The following GRIA1 variants were observed in gnomAD, a reference collection of about 807,000 sequenced individuals.
GRIA1 encodes the protein glutamate receptor 1.
Under a neutral mutation model 99.2 loss-of-function variants are expected in GRIA1, and 31 were observed. The observed-to-expected ratio is 0.31, with a 90% CI of 0.23 to 0.42. The LOEUF (loss-of-function observed/expected upper bound fraction) is 0.42. GRIA1 is among the 10% of genes least tolerant of loss of function. The pLI is 1.00. For missense variants in GRIA1, 782 were observed against 1,157.5 expected (o/e 0.68, Z 4.71); for synonymous variants, 438 against 432.4 (o/e 1.01, Z -0.16).
At chr5:153,644,708 G>C (rs1754011683) in intron 2 of GRIA1, among the ~76,000 whole-genome samples, 1 of 151,982 alleles carries the variant, frequency 6.6e-6, no homozygotes, top group Non-Finnish European at 1.5e-5. Flanking sequence ...ATTTAGAAGA[G>C]GTGATGAAGC....
intron 7 of GRIA1, among the ~76,000 whole-genome samples, chr5:153,685,008 C>T (rs764713401): frequency 1.3e-5 from 2 of 152,116 alleles, no homozygotes; most frequent in African/African-American, 2.4e-5. Flanking sequence ...CACACACAAC[C>T]CCCAACTCTT....
chr5:153,680,220 T>G lies in GRIA1; in HGVS notation c.1029+3059T>G, dbSNP rs552128105. Among the ~76,000 whole-genome samples, 13 of 152,128 alleles carry G rather than the reference T, an allele frequency of 8.5e-5. No individual in the cohort carries two copies. The East Asian group carries it at 2.5e-3, about 30-fold the overall frequency. The stretch of plus-strand genomic sequence containing the variant: ...AGCACATGGCCTTGGGTAATATCTG[T>G]GCACCCCCTCCCCCTTCACTCCGCT... On this transcript the variant is annotated intron_variant, in intron 7 of 15. Coordinates refer to ENST00000285900, the MANE Select transcript of GRIA1 (RefSeq NM_000827.4).
intron 2 of GRIA1, among the ~76,000 whole-genome samples, chr5:153,542,388 C>A (rs969095739): frequency 2.0e-5 from 3 of 152,146 alleles, no homozygotes; most frequent in Non-Finnish European, 4.4e-5. Context: ...ATTCTGCCTT[C>A]CTTTTGAAGG....
At position 153,665,900 on chromosome 5, in the gene GRIA1, T is replaced by G. The variant is rs146788982; in HGVS notation, c.700-8600T>G. ...TCTAAAATGCCTGCAACCAGGAACA[T>G]AGCTTATAAGATCATTGATGTAGCC... On this transcript the variant is annotated intron_variant, in intron 5 of 15. Coordinates refer to ENST00000285900, the MANE Select transcript of GRIA1 (RefSeq NM_000827.4). Among the ~76,000 whole-genome samples the G allele has an allele frequency of 1.2e-4, 19 of 152,324 alleles. 2 individuals are homozygous for G. In the East Asian group the frequency reaches 3.7e-3, roughly 29 times the overall value.
At chr5:153,517,644 A>G (rs554069916) in intron 2 of GRIA1, among the ~76,000 whole-genome samples, 1 of 152,318 alleles carries the variant, frequency 6.6e-6, no homozygotes, top group Admixed American at 6.5e-5. Context: ...GAACCCCCAC[A>G]TCTAGTTCAT....
At chr5:153,579,003 G>GA (rs200845898) in intron 2 of GRIA1, among the ~76,000 whole-genome samples, 16,076 of 152,178 alleles carry the variant, frequency 0.11, 932 homozygotes, top group South Asian at 0.25. Context: ...TTAAACTACT[G>GA]ATTGTCCTTC....
chr5:153,710,530 C>G (rs1292426264), intron 11 of GRIA1, among the ~76,000 whole-genome samples: 2 of 152,264 alleles, frequency 1.3e-5, no homozygotes, highest in East Asian at 3.9e-4. Context: ...GCCCAAAGAC[C>G]TATTTTTAAT....
intron 2 of GRIA1, 92 bp downstream of exon 2, chr5:153,494,157 T>C (rs1009368362): frequency 7.4e-7 from 1 of 1,353,066 alleles, no homozygotes. Flanking sequence ...CAAAAATGAC[T>C]TCAGTTGCCA....
intron 11 of GRIA1, among the ~76,000 whole-genome samples, chr5:153,725,664 G>A (rs1182800094): frequency 3.8e-5 from 4 of 104,114 alleles, no homozygotes; most frequent in Admixed American, 1.0e-4. Flanking sequence ...TAATGGTAAA[G>A]GGATCAATTC....
At chr5:153,601,388 CTT>C (rs1465603017) in intron 2 of GRIA1, among the ~76,000 whole-genome samples, 1 of 152,164 alleles carries the variant, frequency 6.6e-6, no homozygotes, top group Non-Finnish European at 1.5e-5. Context: ...CACAAAGAGA[CTT>C]TTTTTAATAT....
intron 2 of GRIA1, among the ~76,000 whole-genome samples, chr5:153,612,253 T>C (rs1766058537): frequency 6.6e-6 from 1 of 152,206 alleles, no homozygotes; most frequent in Admixed American, 6.5e-5. Flanking sequence ...AGAGTGCCTA[T>C]AATGAGAAAA....
At chr5:153,520,479 A>G in intron 2 of GRIA1, among the ~76,000 whole-genome samples, 1 of 152,194 alleles carries the variant, frequency 6.6e-6, no homozygotes, top group Non-Finnish European at 1.5e-5. Context: ...ATTTTGTTCT[A>G]ATGAAAGACA....
intron 10 of GRIA1, among the ~76,000 whole-genome samples, chr5:153,699,794 A>G (rs551219421): frequency 6.6e-6 from 1 of 152,280 alleles, no homozygotes; most frequent in African/African-American, 2.4e-5. Context: ...CTCCATGCAC[A>G]ATTGCTATAA....
intron 2 of GRIA1, among the ~76,000 whole-genome samples, chr5:153,641,273 C>T (rs1753762217): frequency 6.6e-6 from 1 of 152,032 alleles, no homozygotes; most frequent in African/African-American, 2.4e-5. Context: ...GTGTGAGAGG[C>T]CTTAAATGAA....
intron 2 of GRIA1, among the ~76,000 whole-genome samples, chr5:153,517,719 T>C (rs1377633701): frequency 6.6e-6 from 1 of 152,162 alleles, no homozygotes; most frequent in Non-Finnish European, 1.5e-5. Context: ...TCAAAAAAAA[T>C]CTCTACCATA....
chr5:153,565,297 C>T (rs899513597), intron 2 of GRIA1, among the ~76,000 whole-genome samples: 2 of 152,080 alleles, frequency 1.3e-5, no homozygotes, highest in Non-Finnish European at 2.9e-5. Context: ...TCTCCCATGT[C>T]GTTATACTTC....
intron 11 of GRIA1, among the ~76,000 whole-genome samples, chr5:153,755,869 C>A (rs1289107565): frequency 1.3e-5 from 2 of 152,182 alleles, no homozygotes; most frequent in African/African-American, 4.8e-5. Flanking sequence ...GAGTGTAGAA[C>A]AGCACCCAGG....
At chr5:153,649,445 TTAGTTAGTTAG>T (rs1561727646) in intron 3 of GRIA1, among the ~76,000 whole-genome samples, 21 of 130,232 alleles carry the variant, frequency 1.6e-4, no homozygotes, top group Non-Finnish European at 3.1e-4. Flanking sequence ...ATTTATTTAG[TTAGTTAGTTAG>T]TTAGTTAGTT....
chr5:153,645,184 G>A (rs1467310745), intron 2 of GRIA1, among the ~76,000 whole-genome samples: 1 of 152,112 alleles, frequency 6.6e-6, no homozygotes, highest in Non-Finnish European at 1.5e-5. Flanking sequence ...TATAGAGTGG[G>A]TCAAGAGCAA....
Sources: allele counts gnomAD v4.1 joint callset (sites outside exome capture counted in the v4.1 genomes callset), GRCh38; gene constraint gnomAD v4.1.1; transcripts MANE v1.5; gene names NCBI Gene and HGNC (gene_info 2026-07-23, HGNC 2026-07-21).